The following E2F2 variants were observed in gnomAD, a reference collection of about 807,000 sequenced individuals.
The protein encoded by E2F2 is E2F transcription factor 2, also known as transcription factor E2F2.
Under a neutral mutation model 42.2 loss-of-function variants are expected in E2F2, and 22 were observed. The observed-to-expected ratio is 0.52, with a 90% CI of 0.37 to 0.74. The LOEUF (loss-of-function observed/expected upper bound fraction) is 0.74, where lower values mean the gene tolerates loss of function less well. E2F2 is among the 30% of genes least tolerant of loss of function. E2F2 has a pLI of 0.00. For synonymous variants in E2F2, 248 were observed against 251.6 expected (o/e 0.99, Z 0.13); for missense variants, 481 against 557.8 (o/e 0.86, Z 1.39).
chr1:23,527,397 G>A (rs976255281), intron 1 of E2F2, among the ~76,000 whole-genome samples: 3 of 152,208 alleles, frequency 2.0e-5, no homozygotes, highest in Admixed American at 6.5e-5. Flanking sequence ...TATCCTGGAC[G>A]CTCTTAGGCA....
At chr1:23,529,908 A>C (rs1643310412) in intron 1 of E2F2, among the ~76,000 whole-genome samples, 1 of 152,200 alleles carries the variant, frequency 6.6e-6, no homozygotes, top group South Asian at 2.1e-4. Flanking sequence ...CTCTCTGGCA[A>C]CGAGCCTGGG....
rs759820431 is a variant in E2F2, at chr1:23,516,376, C to T, written c.1004G>A (p.Ser335Asn). 2 of 1,585,978 alleles carry T rather than the reference C, an allele frequency of 1.3e-6. No individual in the cohort carries two copies. Among genetic ancestry groups the T allele is most frequent in the South Asian group, 2.3e-5 (2 of 86,834 alleles). ...CTCCATGATGCTAGGGTCGGTGCTGCTGCTGGGCTGGGCAGAGTCAGGGCT... is the reference window on the plus strand; with the variant it reads ...CTCCATGATGCTAGGGTCGGTGCTGTTGCTGGGCTGGGCAGAGTCAGGGCT... Reference protein sequence around the residue: ...CPSPDSAQPSSSTDPSIMEPT... With the variant: ...CPSPDSAQPSNSTDPSIMEPT... Residue 335 changes from serine (S) to asparagine (N), a missense_variant, in exon 6 of 7, where the codon AGC becomes AAC. Physicochemically the swap from Ser to Asn is conservative, Grantham distance 46 (BLOSUM62 1). Coordinates refer to ENST00000361729, the MANE Select transcript of E2F2 (RefSeq NM_004091.4).
At chr1:23,529,486 G>A (rs956529981) in intron 1 of E2F2, among the ~76,000 whole-genome samples, 1 of 152,126 alleles carries the variant, frequency 6.6e-6, no homozygotes, top group Non-Finnish European at 1.5e-5. Context: ...GGCAGTGGGG[G>A]GTGGTCTTAT....
intron 6 of E2F2, among the ~76,000 whole-genome samples, chr1:23,511,052 G>A (rs1290575242): frequency 2.0e-5 from 3 of 151,968 alleles, no homozygotes; most frequent in African/African-American, 4.8e-5. Context: ...AGTAGCCTCA[G>A]CTTGTCTCCA....
At chr1:23,516,670 CCTAA>C (rs1009256410) in intron 5 of E2F2, 143 bp from the exon 6 acceptor site, 10 of 611,002 alleles carry the variant, frequency 1.6e-5, no homozygotes, top group South Asian at 2.4e-5. Context: ...CTCCATCTGG[CCTAA>C]CTAAGGTGGA....
At chr1:23,520,671 A>T (rs1222510567) in intron 4 of E2F2, among the ~76,000 whole-genome samples, 1 of 152,306 alleles carries the variant, frequency 6.6e-6, no homozygotes, top group South Asian at 2.1e-4. Flanking sequence ...TGAACCCAGG[A>T]GGGCGAGGCT....
chr1:23,505,222 A>G (rs1642774031), downstream of E2F2, among the ~76,000 whole-genome samples: 1 of 152,206 alleles, frequency 6.6e-6, no homozygotes, highest in African/African-American at 2.4e-5. Context: ...GAAGTTGTAA[A>G]TAGCCATTTA....
chr1:23,518,361 C>T (rs983638510), intron 5 of E2F2, among the ~76,000 whole-genome samples: 1 of 151,704 alleles, frequency 6.6e-6, no homozygotes, highest in Non-Finnish European at 1.5e-5. Flanking sequence ...ATCTCAGCTA[C>T]TTGGGAGGCT....
rs1643318598 is a variant in E2F2, at chr1:23,530,449, C to T, written c.252+93G>A. 2 of 1,512,332 alleles carry T rather than the reference C, an allele frequency of 1.3e-6. No homozygotes were observed. Among genetic ancestry groups the T allele is most frequent in the Admixed American group, 2.1e-5 (1 of 48,080 alleles). The allele number at this position is 1,512,332 out of a possible 1,614,324, so 93.7% of individuals were successfully genotyped here. On this transcript the variant is annotated intron_variant, in intron 1 of 6. Coordinates refer to ENST00000361729, the MANE Select transcript of E2F2 (RefSeq NM_004091.4). The surrounding 1 kb of genome is among the most constrained non-coding windows in gnomAD (Gnocchi z 4.4). ...CATCTTCCCTCTTCCCAAAACTCTA[C>T]CTGCTCCACTCAAACTGGATCTCAG...
chr1:23,530,581 C>T lies in E2F2; in HGVS notation c.213G>A (p.Glu71=). The change falls in exon 1 of 7, where the codon GAG becomes GAA. Residue 71 remains glutamate (E), a synonymous_variant. Coordinates refer to ENST00000361729, the MANE Select transcript of E2F2 (RefSeq NM_004091.4). This position sits in a 1 kb window ranked among gnomAD's most constrained non-coding sequence, Gnocchi z 4.4. ...CCGGCAGGCATCGCACAACTTGGCC[C>T]TCGGGTCCGTGGGGAGTGGCGTCGA... ...TCLDATPHGP[E]GQVVRCLPAG... is the part of the protein sequence containing the mutation. The T allele has an allele frequency of 6.2e-7, 1 of 1,612,686 alleles. No individual in the cohort carries two copies. Among genetic ancestry groups the T allele is most frequent in the Non-Finnish European group, 8.5e-7 (1 of 1,179,682 alleles).
chr1:23,516,394 T>C lies in E2F2; in HGVS notation c.986A>G (p.Asp329Gly). ...PSTSTLCPSPDSAQPSSSTDP... is the reference protein window; with the variant it reads ...PSTSTLCPSPGSAQPSSSTDP... ...GGTGCTGCTGCTGGGCTGGGCAGAG[T>C]CAGGGCTGGGGCAGAGGGTGGAGGT... is the stretch of plus-strand genomic sequence containing the variant. Residue 329 changes from aspartate to glycine, a missense_variant, in exon 6 of 7, where the codon GAC becomes GGC. Physicochemically the swap from Asp to Gly is moderately conservative, Grantham distance 94. Transcript: ENST00000361729. 6.3e-7 allele frequency: 1 copy of C among 1,591,492 alleles called. No homozygotes were observed. Among genetic ancestry groups the C allele is most frequent in the Middle Eastern group, 1.7e-4 (1 of 5,878 alleles).
chr1:23,507,488 C>T lies in E2F2; in HGVS notation c.*2392G>A, dbSNP rs1642821462. ...CCGAGATCAGGCCACTGCACTCCAG[C>T]CTGGGCAACAGAGCGAGACTCCATC... On this transcript the variant is annotated 3_prime_UTR_variant, in exon 7 of 7. Transcript: ENST00000361729. 1 of 151,286 alleles carries T rather than the reference C, an allele frequency of 6.6e-6. No individual in the cohort carries two copies. Among genetic ancestry groups the T allele is most frequent in the Admixed American group, 6.6e-5 (1 of 15,082 alleles). 9.4% of individuals were successfully genotyped at this position (151,286 alleles called of 1,614,324 possible).
Position 23,530,171 on chromosome 1 carries a change from C to T in E2F2, c.252+371G>A, listed in dbSNP as rs1487075066. On this transcript the variant is annotated intron_variant, in intron 1 of 6. Coordinates refer to ENST00000361729, the MANE Select transcript of E2F2 (RefSeq NM_004091.4). The surrounding 1 kb of genome is among the most constrained non-coding windows in gnomAD (Gnocchi z 4.4). ...CCCCAGGCCATACTCTTTGCCTGGA[C>T]AATAGCAGGCACCCAGTACTGGTTT... Among the ~76,000 whole-genome samples, 1 of 152,176 alleles carries T rather than the reference C, an allele frequency of 6.6e-6. No individual in the cohort carries two copies. Among genetic ancestry groups the T allele is most frequent in the East Asian group, 1.9e-4 (1 of 5,200 alleles).
In E2F2 at chr1:23,530,459, T is replaced by C. The variant is rs1320404144; in HGVS notation, c.252+83A>G. The C allele has an allele frequency of 4.5e-6, 7 of 1,546,600 alleles. No individual in the cohort carries two copies. Among genetic ancestry groups the C allele is most frequent in the Non-Finnish European group, 5.2e-6 (6 of 1,149,930 alleles). ...CTTCCCAAAACTCTACCTGCTCCAC[T>C]CAAACTGGATCTCAGGCACCCCTCC... On this transcript the variant is annotated intron_variant, in intron 1 of 6. Coordinates refer to ENST00000361729, the MANE Select transcript of E2F2 (RefSeq NM_004091.4). This position sits in a 1 kb window ranked among gnomAD's most constrained non-coding sequence, Gnocchi z 4.4.
chr1:23,520,961 C>T lies in E2F2; in HGVS notation c.689G>A (p.Ser230Asn), dbSNP rs750163521. The T allele has an allele frequency of 1.9e-6, 3 of 1,612,520 alleles. No individual in the cohort carries two copies. Among genetic ancestry groups the T allele is most frequent in the Non-Finnish European group, 2.5e-6 (3 of 1,179,252 alleles). The change falls in exon 4 of 7, where the codon AGC becomes AAC. Residue 230 changes from serine to asparagine, a missense_variant. Ser to Asn is a conservative substitution (Grantham distance 46). Transcript: ENST00000361729. ...CAGGTGCTTGAAGCTCAGAGAGCAG[C>T]TCTGGATGAGCTGGTCCAAGGCCTG... ...TEQALDQLIQ[S>N]CSLSFKHLTE...
Position 23,506,588 on chromosome 1 carries a change from C to T in E2F2, c.*3292G>A, listed in dbSNP as rs1037705929. ...TGTTCTCTCGGTTCCAGCTCACCCT[C>T]GAAAAGTGCCACAGGCAAGGTTCTT... is the stretch of plus-strand genomic sequence containing the variant. On this transcript the variant is annotated 3_prime_UTR_variant, in exon 7 of 7. Coordinates refer to ENST00000361729, the MANE Select transcript of E2F2 (RefSeq NM_004091.4). The T allele has an allele frequency of 2.0e-5, 3 of 152,250 alleles. No homozygotes were observed. Among genetic ancestry groups the T allele is most frequent in the Non-Finnish European group, 4.4e-5 (3 of 68,074 alleles). 9.4% of individuals were successfully genotyped at this position (152,250 alleles called of 1,614,324 possible).
At chr1:23,524,883 G>A (rs1455249835) in intron 1 of E2F2, among the ~76,000 whole-genome samples, 8 of 152,200 alleles carry the variant, frequency 5.3e-5, no homozygotes, top group African/African-American at 1.9e-4. Context: ...ACATCAGGGT[G>A]GGGAAAGGGC....
chr1:23,519,770 A>G (rs1319364893), intron 4 of E2F2, among the ~76,000 whole-genome samples: 2 of 152,050 alleles, frequency 1.3e-5, no homozygotes, highest in African/African-American at 4.8e-5. Flanking sequence ...TCTCCACTAA[A>G]AATACAAAAA....
intron 3 of E2F2, 66 bp downstream of exon 3, chr1:23,521,771 T>TGCC (rs1643153727): frequency 2.5e-6 from 4 of 1,589,674 alleles, no homozygotes; most frequent in Non-Finnish European, 3.4e-6. Context: ...CACTGGCTAT[T>TGCC]GCCTCTGGCT....
Sources: gnomAD v4.1 joint callset for allele counts (sites outside exome capture counted in the v4.1 genomes callset) on GRCh38, gnomAD v4.1.1 for gene constraint, Gnocchi (gnomAD v3.1) non-coding constraint, MANE v1.5 for transcripts, NCBI Gene and HGNC (gene_info 2026-07-23, HGNC 2026-07-21) for gene names.